CSMD1: variants seen among roughly 807,000 people sequenced by gnomAD.
CSMD1 encodes the protein CUB and sushi domain-containing protein 1.
CSMD1 carries 213 observed loss-of-function variants against 417.5 expected under a neutral mutation model. The observed-to-expected ratio is 0.51, with a 90% CI of 0.46 to 0.57. The LOEUF is 0.57. Ranked by LOEUF, CSMD1 falls within the 20% of genes least tolerant of loss-of-function variation. CSMD1 has a pLI of 0.00. For synonymous variants in CSMD1, 2,862 were observed against 1,736.8 expected (o/e 1.65, Z -16.11); for missense variants, 6,923 against 4,529.7 (o/e 1.53, Z -15.17).
chr8:3,789,428 GTTT>G (rs200174086), intron 5 of CSMD1, among the ~76,000 whole-genome samples: 4 of 84,948 alleles, frequency 4.7e-5, no homozygotes, highest in African/African-American at 1.7e-4. Flanking sequence ...TTTAAGTAGT[GTTT>G]TTTTTTAAGT....
At chr8:3,056,609 A>G (rs879469667) in intron 49 of CSMD1, among the ~76,000 whole-genome samples, 3 of 152,130 alleles carry the variant, frequency 2.0e-5, no homozygotes, top group Non-Finnish European at 4.4e-5. Context: ...GGCTCAAGCC[A>G]TCCTCCTGCC....
chr8:4,136,628 A>G (rs1226604714), intron 3 of CSMD1, among the ~76,000 whole-genome samples: 3 of 152,238 alleles, frequency 2.0e-5, no homozygotes, highest in African/African-American at 7.2e-5. Context: ...TATTTCCATA[A>G]AAATAGTGAG....
At chr8:4,355,118 C>T (rs1237719176) in intron 3 of CSMD1, among the ~76,000 whole-genome samples, 2 of 151,778 alleles carry the variant, frequency 1.3e-5, no homozygotes, top group Admixed American at 1.3e-4. Flanking sequence ...AAAAATTAGC[C>T]GGGCGTGGTG....
intron 12 of CSMD1, among the ~76,000 whole-genome samples, chr8:3,466,784 A>C (rs1458996605): frequency 6.6e-6 from 1 of 152,112 alleles, no homozygotes; most frequent in Non-Finnish European, 1.5e-5. Flanking sequence ...ATAATATAAA[A>C]TTATGTATAC....
chr8:3,028,386 TG>T (rs1810103486), intron 51 of CSMD1, among the ~76,000 whole-genome samples: 2 of 152,122 alleles, frequency 1.3e-5, no homozygotes, highest in Non-Finnish European at 2.9e-5. Context: ...GCAAACTCAG[TG>T]ACCAGGTCAT....
chr8:3,592,101 T>C (rs1350255410), intron 8 of CSMD1, among the ~76,000 whole-genome samples: 2 of 152,014 alleles, frequency 1.3e-5, no homozygotes, highest in African/African-American at 4.8e-5. Context: ...GACAGATAAA[T>C]AGATGGATAG....
chr8:3,956,913 C>G (rs1811986390), intron 5 of CSMD1, among the ~76,000 whole-genome samples: 1 of 152,104 alleles, frequency 6.6e-6, no homozygotes, highest in Admixed American at 6.6e-5. Flanking sequence ...GTTGCAAACA[C>G]TAAAGGCTAT....
intron 3 of CSMD1, among the ~76,000 whole-genome samples, chr8:4,099,631 C>G (rs1801204091): frequency 6.6e-6 from 1 of 152,022 alleles, no homozygotes; most frequent in Non-Finnish European, 1.5e-5. Flanking sequence ...AAAAACCTCA[C>G]TTTCTTGGGT....
At chr8:3,670,729 T>C (rs114526322) in intron 7 of CSMD1, among the ~76,000 whole-genome samples, 1 of 149,124 alleles carries the variant, frequency 6.7e-6, no homozygotes, top group Non-Finnish European at 1.5e-5. Context: ...GGGATATACA[T>C]GTATGGGATG....
Position 4,903,007 on chromosome 8 carries a change from A to C in CSMD1, c.85+91325T>G, listed in dbSNP as rs980245122. 5.2e-3 allele frequency among the ~76,000 whole-genome samples: 593 copies of C among 114,986 alleles called. 7 individuals are homozygous for C. Among genetic ancestry groups the C allele is most frequent in the African/African-American group, 0.024 (561 of 23,038 alleles). 75.4% of individuals were successfully genotyped at this position (114,986 alleles called of 152,430 possible). A position where few individuals can be genotyped will look rare whatever the true frequency, so the allele number is the denominator to read the frequency against. On this transcript the variant is annotated intron_variant, in intron 1 of 69. Transcript: ENST00000635120. ...TAATAAATAAATGATAAATAATATT[A>C]ATAATAAATAAATAAATAAATAAAT...
At chr8:4,267,110 C>T (rs1159359101) in intron 3 of CSMD1, among the ~76,000 whole-genome samples, 1 of 102,676 alleles carries the variant, frequency 9.7e-6, no homozygotes, top group African/African-American at 2.6e-5. Context: ...TTTGAAAGTG[C>T]TTTCTAATGC....
chr8:4,017,842 G>C (rs537280287), intron 4 of CSMD1, among the ~76,000 whole-genome samples: 112 of 152,230 alleles, frequency 7.4e-4, no homozygotes, highest in African/African-American at 2.6e-3. Flanking sequence ...TTGGGTGACT[G>C]TATATCTGGT....
rs371715588 is a variant in CSMD1, at chr8:4,582,201, G to A, written c.302+55141C>T. 3.9e-5 allele frequency among the ~76,000 whole-genome samples: 6 copies of A among 152,048 alleles called. No individual in the cohort carries two copies. In the East Asian group the frequency reaches 7.8e-4, roughly 20 times the overall value. ...CAGACATGAGGTTTGTCATATATCTGACACCCACTAAGCACTTAGAATTAC... is the reference window on the plus strand; with the variant it reads ...CAGACATGAGGTTTGTCATATATCTAACACCCACTAAGCACTTAGAATTAC... On this transcript the variant is annotated intron_variant, in intron 2 of 69. Transcript: ENST00000635120.
chr8:4,481,110 T>G (rs1368672039), intron 2 of CSMD1, among the ~76,000 whole-genome samples: 1 of 152,236 alleles, frequency 6.6e-6, no homozygotes, highest in Admixed American at 6.5e-5. Context: ...ACTCCAGCCT[T>G]ATTTACAATG....
intron 1 of CSMD1, among the ~76,000 whole-genome samples, chr8:4,659,814 TA>T (rs1804475150): frequency 6.6e-6 from 1 of 152,130 alleles, no homozygotes; most frequent in Non-Finnish European, 1.5e-5. Context: ...TAATAATTTT[TA>T]AATTAATCTA....
At chr8:4,511,814 G>C (rs866610817) in intron 2 of CSMD1, among the ~76,000 whole-genome samples, 1 of 152,142 alleles carries the variant, frequency 6.6e-6, no homozygotes, top group Non-Finnish European at 1.5e-5. Context: ...TACACATTAT[G>C]AGTTTTACTT....
chr8:3,739,571 G>A (rs2623708), intron 6 of CSMD1, among the ~76,000 whole-genome samples: 20,141 of 152,090 alleles, frequency 0.13, 1,402 homozygotes, highest in African/African-American at 0.17. Context: ...ATTAAATCTG[G>A]GAATGCTTAA....
At chr8:4,257,593 G>A (rs558739750) in intron 3 of CSMD1, among the ~76,000 whole-genome samples, 3 of 152,146 alleles carry the variant, frequency 2.0e-5, no homozygotes, top group South Asian at 2.1e-4. Flanking sequence ...CTCTCCCTGC[G>A]GGATAGGAAA....
intron 18 of CSMD1, among the ~76,000 whole-genome samples, chr8:3,378,463 C>T (rs1315446183): frequency 6.6e-6 from 1 of 152,118 alleles, no homozygotes; most frequent in African/African-American, 2.4e-5. Context: ...AATTTCAGGC[C>T]AATATCCCTG....
Sources: allele counts gnomAD v4.1 joint callset (sites outside exome capture counted in the v4.1 genomes callset), GRCh38; gene constraint gnomAD v4.1.1; transcripts MANE v1.5; gene names NCBI Gene and HGNC (gene_info 2026-07-23, HGNC 2026-07-21).